Variants in SMCHD1 observed in about 807,000 individuals in gnomAD.
SMCHD1 encodes the protein structural maintenance of chromosomes flexible hinge domain containing 1.
In SMCHD1, 78 loss-of-function variants were observed where a neutral mutation model predicts 254.7. The ratio of observed to expected loss-of-function variants is 0.31; its 90% CI spans 0.26 to 0.37. The LOEUF is 0.37. Among genes scored for constraint, SMCHD1 ranks in the 10% least tolerant of loss-of-function variants. SMCHD1 has a pLI of 1.00. For synonymous variants in SMCHD1, 766 were observed against 794.9 expected (o/e 0.96, Z 0.61); for missense variants, 1,840 against 2,408.1 (o/e 0.76, Z 4.94).
chr18:2,798,442 G>T (rs1049468343), intron 47 of SMCHD1, among the ~76,000 whole-genome samples: 4 of 152,110 alleles, frequency 2.6e-5, no homozygotes, highest in African/African-American at 4.8e-5. Flanking sequence ...TCAAAATGAC[G>T]CAAAAATCCC....
intron 20 of SMCHD1, 144 bp from the exon 21 acceptor site, chr18:2,724,755 A>G: frequency 2.3e-6 from 1 of 429,680 alleles, no homozygotes; most frequent in Non-Finnish European, 4.2e-6. Context: ...ATCCATTGGA[A>G]TTTTTTTCTG....
chr18:2,707,671 CA>C, intron 16 of SMCHD1, 26 bp downstream of exon 16: 1 of 1,516,614 alleles, frequency 6.6e-7, no homozygotes, highest in Non-Finnish European at 9.1e-7. Context: ...TTTCTAATAC[CA>C]AAAAGTGTGC....
chr18:2,710,187 T>C (rs1167082108), intron 17 of SMCHD1, among the ~76,000 whole-genome samples: 5 of 152,230 alleles, frequency 3.3e-5, no homozygotes, highest in Non-Finnish European at 7.3e-5. Context: ...GGCCCACTTG[T>C]TGAAAGTCAG....
chr18:2,712,598 G>A (rs1056423696), intron 17 of SMCHD1, among the ~76,000 whole-genome samples: 1 of 152,116 alleles, frequency 6.6e-6, no homozygotes, highest in Admixed American at 6.6e-5. Flanking sequence ...GCAGATTTTG[G>A]TATACATGGG....
rs1267973049 is a variant in SMCHD1, at chr18:2,803,275, A to G, written c.*723A>G. The G allele has an allele frequency of 6.7e-6, 1 of 148,854 alleles. No individual in the cohort carries two copies. Among genetic ancestry groups the G allele is most frequent in the Non-Finnish European group, 1.5e-5 (1 of 67,402 alleles). The allele number at this position is 148,854 out of a possible 1,614,324, so 9.2% of individuals were successfully genotyped here. A position where few individuals can be genotyped will look rare whatever the true frequency, so the allele number is the denominator to read the frequency against. On this transcript the variant is annotated 3_prime_UTR_variant, in exon 48 of 48. Coordinates refer to ENST00000320876, the MANE Select transcript of SMCHD1 (RefSeq NM_015295.3). ...AAGTTTTATAACTATTGTTTGTTTG[A>G]CTTTATTAATACTAGAATATGTAGT...
intron 3 of SMCHD1, among the ~76,000 whole-genome samples, chr18:2,672,383 C>A (rs912113811): frequency 3.9e-5 from 6 of 152,072 alleles, no homozygotes; most frequent in African/African-American, 1.4e-4. Flanking sequence ...CCAGCTACCA[C>A]GCCCAGCTAT....
chr18:2,731,849 G>C (rs527820728), intron 24 of SMCHD1, among the ~76,000 whole-genome samples: 1 of 152,004 alleles, frequency 6.6e-6, no homozygotes, highest in Non-Finnish European at 1.5e-5. Flanking sequence ...CATCTCTGCT[G>C]AAAATACAAA....
intron 45 of SMCHD1, among the ~76,000 whole-genome samples, chr18:2,795,045 T>TTTG (rs1568406006): frequency 7.9e-4 from 120 of 152,010 alleles, no homozygotes; most frequent in East Asian, 3.5e-3. Flanking sequence ...CTGGGTTTTT[T>TTTG]TTTTGTTTTG....
At chr18:2,772,904 A>G (rs2076008439) in intron 41 of SMCHD1, among the ~76,000 whole-genome samples, 2 of 152,256 alleles carry the variant, frequency 1.3e-5, no homozygotes, top group South Asian at 2.1e-4. Flanking sequence ...TTGCCTTTGC[A>G]TGTATATTCT....
intron 5 of SMCHD1, 42 bp from the exon 6 acceptor site, chr18:2,688,352 A>C (rs1014599544): frequency 7.0e-7 from 1 of 1,419,078 alleles, no homozygotes; most frequent in Non-Finnish European, 1.0e-6. Flanking sequence ...TTTGACACTT[A>C]ACTAGCTTGT....
At chr18:2,727,219 G>A (rs1235764852) in intron 22 of SMCHD1, 2 of 152,088 alleles carry the variant, frequency 1.3e-5, no homozygotes, top group East Asian at 1.9e-4. Context: ...AGTAAGAACT[G>A]CCTGCACCTG....
At chr18:2,776,275 G>C (rs1568366616) in intron 42 of SMCHD1, among the ~76,000 whole-genome samples, 1 of 151,958 alleles carries the variant, frequency 6.6e-6, no homozygotes, top group Non-Finnish European at 1.5e-5. Context: ...TGTCAGCCAG[G>C]CTAGGCGTGA....
intron 1 of SMCHD1, among the ~76,000 whole-genome samples, chr18:2,663,282 T>C (rs1380133994): frequency 6.6e-6 from 1 of 151,976 alleles, no homozygotes; most frequent in African/African-American, 2.4e-5. Flanking sequence ...TTTTTTTTTT[T>C]TCCATTTTTT....
intron 3 of SMCHD1, among the ~76,000 whole-genome samples, chr18:2,668,601 TAA>T (rs762711591): frequency 2.0e-5 from 3 of 152,222 alleles, no homozygotes; most frequent in Non-Finnish European, 2.9e-5. Flanking sequence ...TTAAAAACAC[TAA>T]AGTCTTACTT....
intron 15 of SMCHD1, 89 bp downstream of exon 15, chr18:2,706,559 T>C (rs2074519021): frequency 4.6e-6 from 4 of 864,800 alleles, no homozygotes; most frequent in Admixed American, 2.4e-5. Flanking sequence ...TTTACTCTGC[T>C]GTTAGGGCAT....
At chr18:2,784,424 A>G (rs2076207853) in intron 44 of SMCHD1, 26 bp from the exon 45 acceptor site, 1 of 1,572,630 alleles carries the variant, frequency 6.4e-7, no homozygotes, top group Admixed American at 1.9e-5. Flanking sequence ...GTTGCTCACT[A>G]CTTACTATTC....
At chr18:2,676,577 G>A (rs1270240676) in intron 5 of SMCHD1, among the ~76,000 whole-genome samples, 1 of 152,198 alleles carries the variant, frequency 6.6e-6, no homozygotes, top group Non-Finnish European at 1.5e-5. Flanking sequence ...GGGGAGAGTA[G>A]AGGGAGATGT....
chr18:2,759,745 T>C (rs1439165689), intron 34 of SMCHD1, among the ~76,000 whole-genome samples: 1 of 151,710 alleles, frequency 6.6e-6, no homozygotes, highest in Non-Finnish European at 1.5e-5. Context: ...CATTTTTATA[T>C]TAATAGTAGA....
chr18:2,699,020 T>G (rs1598333435), intron 10 of SMCHD1, among the ~76,000 whole-genome samples: 1 of 152,220 alleles, frequency 6.6e-6, no homozygotes, highest in South Asian at 2.1e-4. Flanking sequence ...CTAGTGAGAT[T>G]ATTGGGATTG....
Sources: gnomAD v4.1 joint callset for allele counts (sites outside exome capture counted in the v4.1 genomes callset) on GRCh38, gnomAD v4.1.1 for gene constraint, MANE v1.5 for transcripts, NCBI Gene and HGNC (gene_info 2026-07-23, HGNC 2026-07-21) for gene names.